Variants in CLASP1 observed in about 807,000 individuals in gnomAD.
CLASP1 encodes the protein CLIP-associating protein 1.
CLASP1 carries 38 observed loss-of-function variants against 192.3 expected under a neutral mutation model. That is an observed-to-expected ratio of 0.20 (90% CI 0.15 to 0.26). The LOEUF is 0.26. Ranked by LOEUF, CLASP1 falls within the 10% of genes least tolerant of loss-of-function variation. The probability of loss-of-function intolerance (pLI) is 1.00; values close to 1 mark genes in which losing one functional copy is unlikely to be tolerated. For missense variants in CLASP1, 1,433 were observed against 1,932.5 expected (o/e 0.74, Z 4.85); for synonymous variants, 691 against 712.8 (o/e 0.97, Z 0.49).
At chr2:121,520,447 G>A (rs2094432464) in intron 6 of CLASP1, among the ~76,000 whole-genome samples, 1 of 152,192 alleles carries the variant, frequency 6.6e-6, no homozygotes, top group Admixed American at 6.5e-5. Context: ...GCCCACCCCT[G>A]GCTCCCAGGC....
intron 2 of CLASP1, among the ~76,000 whole-genome samples, chr2:121,575,580 G>C (rs2060433065): frequency 6.6e-6 from 1 of 152,194 alleles, no homozygotes; most frequent in Admixed American, 6.5e-5. Flanking sequence ...CTGTAAAGAG[G>C]TATGGCAGGT....
At chr2:121,493,621 G>C (rs1018161271) in intron 8 of CLASP1, among the ~76,000 whole-genome samples, 3 of 151,840 alleles carry the variant, frequency 2.0e-5, no homozygotes, top group Non-Finnish European at 2.9e-5. Flanking sequence ...ACAAGTATGG[G>C]CAACCAAAGC....
chr2:121,627,040 G>C (rs556823297), intron 1 of CLASP1, among the ~76,000 whole-genome samples: 2 of 141,620 alleles, frequency 1.4e-5, no homozygotes, highest in East Asian at 4.2e-4. Context: ...GAGTAATTCA[G>C]CAACATTTAG....
intron 8 of CLASP1, among the ~76,000 whole-genome samples, chr2:121,483,455 T>C (rs976641083): frequency 6.6e-6 from 1 of 151,176 alleles, no homozygotes; most frequent in Non-Finnish European, 1.5e-5. Context: ...TATGAATGAA[T>C]ATGTGTGTGT....
At chr2:121,463,292 C>T (rs891529647) in intron 9 of CLASP1, among the ~76,000 whole-genome samples, 2 of 152,048 alleles carry the variant, frequency 1.3e-5, no homozygotes, top group African/African-American at 4.8e-5. Flanking sequence ...TCTTCATAAC[C>T]CCCATTAATG....
intron 2 of CLASP1, among the ~76,000 whole-genome samples, chr2:121,565,874 C>T (rs1205006109): frequency 6.6e-6 from 1 of 152,208 alleles, no homozygotes; most frequent in Non-Finnish European, 1.5e-5. Context: ...CATCAGTTTG[C>T]TGTAGTTATC....
chr2:121,609,792 T>C (rs747425327), intron 1 of CLASP1, among the ~76,000 whole-genome samples: 22 of 151,912 alleles, frequency 1.4e-4, no homozygotes, highest in Non-Finnish European at 2.8e-4. Context: ...AATACAAAAA[T>C]TAGCTGGTCA....
chr2:121,409,596 C>G (rs2077399713), intron 24 of CLASP1, among the ~76,000 whole-genome samples: 1 of 152,188 alleles, frequency 6.6e-6, no homozygotes, highest in Non-Finnish European at 1.5e-5. Flanking sequence ...GTCCCTTATG[C>G]AGTTCTTTAA....
At chr2:121,643,262 G>A (rs947561035) in intron 1 of CLASP1, among the ~76,000 whole-genome samples, 1 of 152,084 alleles carries the variant, frequency 6.6e-6, no homozygotes, top group Admixed American at 6.5e-5. Flanking sequence ...CTAAAAGCAA[G>A]TATATACGCA....
chr2:121,502,694 T>C (rs1258726732), intron 8 of CLASP1, among the ~76,000 whole-genome samples: 3 of 152,208 alleles, frequency 2.0e-5, no homozygotes, highest in Non-Finnish European at 4.4e-5. Flanking sequence ...GTTGGTGAAT[T>C]GTAGCCTGGG....
At chr2:121,387,343 G>T in intron 31 of CLASP1, 115 bp from the exon 33 acceptor site, 1 of 753,984 alleles carries the variant, frequency 1.3e-6, no homozygotes, top group Non-Finnish European at 2.0e-6. Flanking sequence ...TGCCCAGGAT[G>T]GTTTTTTTTT....
chr2:121,644,967 A>C (rs1559862934), intron 1 of CLASP1, among the ~76,000 whole-genome samples: 3 of 132,874 alleles, frequency 2.3e-5, no homozygotes, highest in Non-Finnish European at 4.8e-5. Flanking sequence ...AAAAAAAAAC[A>C]AAAAAAAAAA....
At chr2:121,473,113 G>C (rs1164166800) in intron 8 of CLASP1, among the ~76,000 whole-genome samples, 1 of 152,008 alleles carries the variant, frequency 6.6e-6, no homozygotes, top group African/African-American at 2.4e-5. Flanking sequence ...TGACAAGAGG[G>C]AAGAAAATGT....
chr2:121,494,955 G>A (rs1008284978), intron 8 of CLASP1, among the ~76,000 whole-genome samples: 5 of 152,100 alleles, frequency 3.3e-5, no homozygotes, highest in African/African-American at 1.2e-4. Context: ...CTGGGAGGCG[G>A]AGGTAACAGC....
At chr2:121,639,699 A>G (rs1351421670) in intron 1 of CLASP1, among the ~76,000 whole-genome samples, 1 of 151,940 alleles carries the variant, frequency 6.6e-6, no homozygotes, top group Non-Finnish European at 1.5e-5. Context: ...CCCTGTCTCT[A>G]CTAAAAATAC....
intron 8 of CLASP1, among the ~76,000 whole-genome samples, chr2:121,471,281 C>T (rs1055572090): frequency 6.6e-6 from 1 of 151,754 alleles, no homozygotes; most frequent in South Asian, 2.1e-4. Flanking sequence ...GACCCTGTCT[C>T]GAGAAAAAAG....
At chr2:121,485,355 C>T (rs940999433) in intron 8 of CLASP1, among the ~76,000 whole-genome samples, 2 of 152,236 alleles carry the variant, frequency 1.3e-5, no homozygotes, top group Non-Finnish European at 2.9e-5. Flanking sequence ...AGGGTTTACC[C>T]TGTGGGTCTA....
chr2:121,530,289 C>T, exon 3 of CLASP1: 1 of 1,552,314 alleles, frequency 6.4e-7, no homozygotes, highest in Non-Finnish European at 8.7e-7. Context: ...AGCCGGGTCA[C>T]CAGGGCGGAC....
At chr2:121,538,207 A>G (rs2095140157) in intron 2 of CLASP1, among the ~76,000 whole-genome samples, 1 of 151,952 alleles carries the variant, frequency 6.6e-6, no homozygotes, top group African/African-American at 2.4e-5. Context: ...TGAGGTCAGC[A>G]GTTTGAGACC....
Sources: allele counts gnomAD v4.1 joint callset (sites outside exome capture counted in the v4.1 genomes callset), GRCh38; gene constraint gnomAD v4.1.1; transcripts MANE v1.5; gene names NCBI Gene and HGNC (gene_info 2026-07-23, HGNC 2026-07-21).